The following ZNF444 variants were observed in gnomAD, a reference collection of about 807,000 sequenced individuals.
ZNF444 encodes zinc finger protein 444.
In ZNF444, 8 loss-of-function variants were observed where a neutral mutation model predicts 14.4. That is an observed-to-expected ratio of 0.56 (90% CI 0.33 to 1.00). ZNF444 has a LOEUF of 1.00. ZNF444 is among the 50% of genes least tolerant of loss of function. ZNF444 has a pLI of 0.03. For missense variants in ZNF444, 510 were observed against 504.8 expected (o/e 1.01, Z -0.10); for synonymous variants, 258 against 235.9 (o/e 1.09, Z -0.86).
At chr19:56,148,295 C>T (rs370811291) in intron 3 of ZNF444, among the ~76,000 whole-genome samples, 19 of 152,246 alleles carry the variant, frequency 1.2e-4, no homozygotes, top group South Asian at 8.3e-4. Flanking sequence ...CCACCTCGAG[C>T]GGCACAGGGG....
At position 56,160,048 on chromosome 19, in the gene ZNF444, C is replaced by T. The variant is rs1426338392; in HGVS notation, c.831C>T (p.Pro277=). ...GCAAGACGCACTCGGGAGCGCGGCCCTTTGCCTGCTGGGAGTGTGGCAAGG... is the reference window on the plus strand; with the variant it reads ...GCAAGACGCACTCGGGAGCGCGGCCTTTTGCCTGCTGGGAGTGTGGCAAGG... ...RHRKTHSGAR[P]FACWECGKGF... is the part of the protein sequence containing the mutation. The change falls in exon 5 of 5, where the codon CCC becomes CCT. Residue 277 remains proline, a synonymous_variant. Transcript: ENST00000337080. The T allele has an allele frequency of 8.6e-6, 13 of 1,506,764 alleles. No homozygotes were observed. Among genetic ancestry groups the T allele is most frequent in the Non-Finnish European group, 1.1e-5 (13 of 1,133,146 alleles). 93.3% of individuals were successfully genotyped at this position (1,506,764 alleles called of 1,614,324 possible).
At chr19:56,152,819 G>GCATT (rs2031666846) in intron 3 of ZNF444, among the ~76,000 whole-genome samples, 1 of 152,028 alleles carries the variant, frequency 6.6e-6, no homozygotes, top group South Asian at 2.1e-4. Context: ...TTGTAGAAGG[G>GCATT]CACTAATCCC....
chr19:56,136,843 A>ACGAT (rs1411211277), upstream of ZNF444, among the ~76,000 whole-genome samples: 1 of 151,884 alleles, frequency 6.6e-6, no homozygotes, highest in Non-Finnish European at 1.5e-5. Context: ...GTGCAATGGC[A>ACGAT]CGATCTTGGC....
chr19:56,148,714 AACAAATCACAAACGCAGCGGCTT>A (rs547284168), intron 3 of ZNF444, among the ~76,000 whole-genome samples: 68 of 152,208 alleles, frequency 4.5e-4, no homozygotes, highest in African/African-American at 1.3e-3. Flanking sequence ...AGTGGGTTGT[AACAAATCACAAACGCAGCGGCTT>A]ACAAATCACA....
intron 3 of ZNF444, 36 bp from the exon 4 acceptor site, chr19:56,158,458 C>A: frequency 6.4e-7 from 1 of 1,566,258 alleles, no homozygotes; most frequent in South Asian, 1.2e-5. Flanking sequence ...GGCCCTTGCT[C>A]AGGTTTCTGA....
chr19:56,139,715 CA>C (rs10690874), upstream of ZNF444, among the ~76,000 whole-genome samples: 15 of 143,320 alleles, frequency 1.0e-4, no homozygotes, highest in Admixed American at 3.5e-4. Flanking sequence ...AACAAAAAAC[CA>C]AAAAAAAAAA....
chr19:56,160,272 C>G lies in ZNF444; in HGVS notation c.*71C>G. 1 of 1,267,654 alleles carries G rather than the reference C, an allele frequency of 7.9e-7. No homozygotes were observed. The highest frequency in any genetic ancestry group is 1.0e-6 in the Non-Finnish European group (1 of 973,366). The allele number at this position is 1,267,654 out of a possible 1,614,324, so 78.5% of individuals were successfully genotyped here. On this transcript the variant is annotated 3_prime_UTR_variant, in exon 5 of 5. Transcript: ENST00000337080. Reference sequence around the variant, plus strand: ...GGCGGTACCTGCTCTCTCCCAGCGCCACTTGGCCTCTTCCTCTCCTCCTTC... The same window carrying G: ...GGCGGTACCTGCTCTCTCCCAGCGCGACTTGGCCTCTTCCTCTCCTCCTTC...
intron 1 of ZNF444, among the ~76,000 whole-genome samples, chr19:56,142,830 A>G (rs1395386324): frequency 1.3e-5 from 2 of 152,172 alleles, no homozygotes; most frequent in African/African-American, 2.4e-5. Context: ...CTTAGCCATG[A>G]TATTAACCCA....
intron 1 of ZNF444, chr19:56,143,623 T>G (rs944948095): frequency 6.6e-6 from 1 of 152,308 alleles, no homozygotes; most frequent in Middle Eastern, 3.4e-3. Context: ...CTGCTGCAAC[T>G]TGGGGGTAGT....
chr19:56,159,713 G>A lies in ZNF444; in HGVS notation c.496G>A (p.Ala166Thr). Residue 166 changes from alanine to threonine, a missense_variant, in exon 5 of 5, where the codon GCG becomes ACG. Ala to Thr is a moderately conservative substitution (Grantham distance 58). Transcript: ENST00000337080. ...YKQEPSSPPL[A>T]PGLPAFLAAP... ...GCAGGAGCCCAGCAGCCCCCCGCTG[G>A]CGCCTGGCCTGCCCGCCTTCCTAGC... The A allele has an allele frequency of 6.4e-7, 1 of 1,556,648 alleles. No homozygotes were observed. The highest frequency in any genetic ancestry group is 1.2e-5 in the South Asian group (1 of 85,290).
chr19:56,134,954 G>A (rs111424932), intron 1 of ZNF444, among the ~76,000 whole-genome samples: 2,428 of 152,074 alleles, frequency 0.016, 60 homozygotes, highest in African/African-American at 0.055. Flanking sequence ...ATGTCAGGCC[G>A]GGCACGGTGC....
At chr19:56,140,696 G>T (rs1368466903), upstream of ZNF444, among the ~76,000 whole-genome samples, 1 of 152,060 alleles carries the variant, frequency 6.6e-6, no homozygotes. Flanking sequence ...AAAAAAAAAT[G>T]CGATCCGTAG....
At chr19:56,134,695 C>T (rs772846978) in intron 1 of ZNF444, among the ~76,000 whole-genome samples, 90 of 152,142 alleles carry the variant, frequency 5.9e-4, no homozygotes, top group Non-Finnish European at 1.0e-3. Flanking sequence ...ATTTATGGCC[C>T]ACTTACCATA....
intron 2 of ZNF444, 80 bp from the exon 3 acceptor site, chr19:56,146,807 AAAG>A: frequency 9.4e-7 from 1 of 1,066,354 alleles, no homozygotes; most frequent in South Asian, 3.5e-5. Flanking sequence ...AAGTAAAAAA[AAAG>A]AGCGTTGGTC....
At chr19:56,154,261 T>G (rs149673222) in intron 3 of ZNF444, 102 of 152,358 alleles carry the variant, frequency 6.7e-4, no homozygotes, top group African/African-American at 2.4e-3. Context: ...TCCAGCACTT[T>G]ATGTGTAAGT....
Position 56,144,623 on chromosome 19 carries a change from C to T in ZNF444, c.-196-1624C>T, listed in dbSNP as rs2031052306. 6.6e-6 allele frequency among the ~76,000 whole-genome samples: 1 copy of T among 152,138 alleles called. No homozygotes were observed. The highest frequency in any genetic ancestry group is 2.4e-5 in the African/African-American group (1 of 41,422). ...GTTAGTGACATGGCGGTCAGGAGCC[C>T]AGGCTTTGGTTGTATCAGGAGGAAA... is the stretch of plus-strand genomic sequence containing the variant. On this transcript the variant is annotated intron_variant, in intron 1 of 4. Coordinates refer to ENST00000337080, the MANE Select transcript of ZNF444 (RefSeq NM_018337.4). This position sits in a 1 kb window ranked among gnomAD's most constrained non-coding sequence, Gnocchi z 4.0.
At chr19:56,139,039 A>ACGC (rs1442494603), upstream of ZNF444, among the ~76,000 whole-genome samples, 4 of 151,600 alleles carry the variant, frequency 2.6e-5, no homozygotes, top group African/African-American at 4.8e-5. Context: ...TCTGATCCGC[A>ACGC]CGCCTCGGTC....
Position 56,159,903 on chromosome 19 carries a change from ACCCCGGCAGCCC to A in ZNF444, c.688_699del (p.Pro230_Pro233del). On this transcript the variant is annotated inframe_deletion, in exon 5 of 5. Coordinates refer to ENST00000337080, the MANE Select transcript of ZNF444 (RefSeq NM_018337.4). ...CACCTGCGGCGCCACCGCGACACGCACCCCGGCAGCCCCGGCAGCCCCGGGCCCGCGCTGCGC... is the reference window on the plus strand; with the variant it reads ...CACCTGCGGCGCCACCGCGACACGCACGGCAGCCCCGGGCCCGCGCTGCGC... 6.6e-7 allele frequency: 1 copy of A among 1,514,934 alleles called. No individual in the cohort carries two copies. The highest frequency in any genetic ancestry group is 8.8e-7 in the Non-Finnish European group (1 of 1,137,890). 93.8% of individuals were successfully genotyped at this position (1,514,934 alleles called of 1,614,324 possible).
rs1034407461 is a variant in ZNF444, at chr19:56,159,666, C to A, written c.449C>A (p.Ser150Tyr). 1.3e-6 allele frequency: 2 copies of A among 1,508,202 alleles called. No individual in the cohort carries two copies. The allele number at this position is 1,508,202 out of a possible 1,614,324, so 93.4% of individuals were successfully genotyped here. A position where few individuals can be genotyped will look rare whatever the true frequency, so the allele number is the denominator to read the frequency against. ...PGAEGPAPGD[S>Y]QAVRPYKQEP... The stretch of plus-strand genomic sequence containing the variant: ...GCTGAGGGGCCGGCGCCTGGGGACT[C>A]CCAGGCTGTGCGCCCCTACAAGCAG... Residue 150 changes from serine (S) to tyrosine (Y), a missense_variant, in exon 5 of 5, where the codon TCC becomes TAC. Ser to Tyr is a moderately radical substitution (Grantham distance 144). Transcript: ENST00000337080.
Sources: gnomAD v4.1 joint callset for allele counts (sites outside exome capture counted in the v4.1 genomes callset) on GRCh38, gnomAD v4.1.1 for gene constraint, Gnocchi (gnomAD v3.1) non-coding constraint, MANE v1.5 for transcripts, NCBI Gene and HGNC (gene_info 2026-07-23, HGNC 2026-07-21) for gene names.